RIT2: variants seen among roughly 807,000 people sequenced by gnomAD.
RIT2 encodes the protein GTP-binding protein Rit2.
Under a neutral mutation model 23.7 loss-of-function variants are expected in RIT2, and 24 were observed. The ratio of observed to expected loss-of-function variants is 1.01; its 90% CI spans 0.73 to 1.43. The LOEUF (loss-of-function observed/expected upper bound fraction) is 1.43, where lower values mean the gene tolerates loss of function less well. Among genes scored for constraint, RIT2 ranks in the 40% most tolerant of loss-of-function variants. The pLI is 0.00. For synonymous variants in RIT2, 107 were observed against 91.1 expected (o/e 1.17, Z -0.99); for missense variants, 236 against 266.9 (o/e 0.88, Z 0.81).
intron 1 of RIT2, among the ~76,000 whole-genome samples, chr18:43,076,144 C>T (rs756614878): frequency 3.9e-5 from 6 of 152,134 alleles, no homozygotes; most frequent in Non-Finnish European, 8.8e-5. Context: ...CTTACAGCTT[C>T]ACATTATTCA....
chr18:42,919,099 T>C (rs1244777236), intron 4 of RIT2, among the ~76,000 whole-genome samples: 1 of 152,156 alleles, frequency 6.6e-6, no homozygotes, highest in Non-Finnish European at 1.5e-5. Flanking sequence ...GGATTACTCA[T>C]GCCTTTACTA....
chr18:42,892,807 G>T (rs1419979348), intron 4 of RIT2, among the ~76,000 whole-genome samples: 1 of 152,116 alleles, frequency 6.6e-6, no homozygotes, highest in East Asian at 1.9e-4. Flanking sequence ...CTTTGCCTAG[G>T]ATTGAGTCTA....
chr18:42,988,894 G>A (rs1261019209), intron 2 of RIT2, among the ~76,000 whole-genome samples: 1 of 152,182 alleles, frequency 6.6e-6, no homozygotes, highest in African/African-American at 2.4e-5. Flanking sequence ...AAGGACCACG[G>A]GTTAGGGCAG....
intron 4 of RIT2, among the ~76,000 whole-genome samples, chr18:42,906,007 CATATATATATATATGTATATATATATAT>C (rs1568026809): frequency 2.5e-3 from 8 of 3,174 alleles, no homozygotes; most frequent in Admixed American, 4.4e-3. Flanking sequence ...TATATATATA[CATATATATATATATGTATATATATATAT>C]ACATATATAT....
intron 1 of RIT2, among the ~76,000 whole-genome samples, chr18:43,062,239 G>A (rs959577543): frequency 6.6e-6 from 1 of 152,124 alleles, no homozygotes; most frequent in African/African-American, 2.4e-5. Context: ...GTATTTTGCT[G>A]TGTGAAGTAT....
chr18:42,891,084 G>A (rs566100881), intron 4 of RIT2, among the ~76,000 whole-genome samples: 2 of 152,222 alleles, frequency 1.3e-5, no homozygotes, highest in East Asian at 3.9e-4. Context: ...CTAAAAAAGA[G>A]GAATTTCTGC....
intron 4 of RIT2, among the ~76,000 whole-genome samples, chr18:42,908,114 A>G (rs1026714283): frequency 5.9e-5 from 9 of 151,978 alleles, no homozygotes; most frequent in African/African-American, 2.2e-4. Flanking sequence ...TGTGGAAATG[A>G]AAAACAAAAT....
chr18:43,087,341 A>C (rs4264476), intron 1 of RIT2, among the ~76,000 whole-genome samples: 1 of 152,078 alleles, frequency 6.6e-6, no homozygotes, highest in Non-Finnish European at 1.5e-5. Context: ...CCATAATAAC[A>C]CGTGGATGTG....
intron 4 of RIT2, among the ~76,000 whole-genome samples, chr18:42,876,700 G>GTT (rs944336061): frequency 6.7e-6 from 1 of 149,018 alleles, no homozygotes; most frequent in Non-Finnish European, 1.5e-5. Context: ...TTTAGTACAG[G>GTT]TTTTTTTTTT....
At chr18:43,110,603 G>A (rs1017910696) in intron 1 of RIT2, among the ~76,000 whole-genome samples, 4 of 151,978 alleles carry the variant, frequency 2.6e-5, no homozygotes, top group African/African-American at 4.8e-5. Context: ...GGTGAGTGGC[G>A]GGCAGTGGAA....
At chr18:42,828,582 G>C (rs919795776) in intron 4 of RIT2, among the ~76,000 whole-genome samples, 1 of 152,176 alleles carries the variant, frequency 6.6e-6, no homozygotes, top group Non-Finnish European at 1.5e-5. Context: ...TAATATAAGA[G>C]AATCAGTCAG....
chr18:42,812,739 C>T (rs2143979129), intron 4 of RIT2, among the ~76,000 whole-genome samples: 1 of 152,170 alleles, frequency 6.6e-6, no homozygotes, highest in Non-Finnish European at 1.5e-5. Context: ...TGCAAGTCTC[C>T]CAGGCTATTC....
chr18:42,934,024 A>G (rs77275171), intron 3 of RIT2, among the ~76,000 whole-genome samples: 1 of 59,850 alleles, frequency 1.7e-5, no homozygotes, highest in Non-Finnish European at 3.6e-5. Flanking sequence ...CTCACAGAAG[A>G]AAAAAAAAAA....
At chr18:42,843,282 T>C (rs1419796666) in intron 4 of RIT2, among the ~76,000 whole-genome samples, 1 of 152,188 alleles carries the variant, frequency 6.6e-6, no homozygotes, top group Admixed American at 6.5e-5. Flanking sequence ...GAGTATATAG[T>C]TCAAACCCAT....
chr18:42,804,319 C>G (rs1272447043), intron 4 of RIT2, among the ~76,000 whole-genome samples: 1 of 151,858 alleles, frequency 6.6e-6, no homozygotes, highest in East Asian at 1.9e-4. Context: ...TTTGGGAGGC[C>G]AAGGTGGGTG....
chr18:42,926,788 G>T (rs1055213751), intron 3 of RIT2, among the ~76,000 whole-genome samples: 4 of 151,878 alleles, frequency 2.6e-5, no homozygotes, highest in African/African-American at 9.7e-5. Flanking sequence ...TTAAAATTTG[G>T]ATGATTTTTG....
At chr18:43,027,577 A>ATT (rs748771866) in intron 2 of RIT2, among the ~76,000 whole-genome samples, 6 of 151,940 alleles carry the variant, frequency 3.9e-5, no homozygotes, top group Admixed American at 6.6e-5. Flanking sequence ...AGTCTTTAAA[A>ATT]TTTATCTTCT....
At chr18:43,001,470 G>C (rs1406211177) in intron 2 of RIT2, among the ~76,000 whole-genome samples, 1 of 151,992 alleles carries the variant, frequency 6.6e-6, no homozygotes, top group Admixed American at 6.6e-5. Flanking sequence ...AAGAAAGTGA[G>C]TGCCGACAAA....
At chr18:43,035,107 A>T (rs1568062462) in intron 1 of RIT2, among the ~76,000 whole-genome samples, 1 of 152,198 alleles carries the variant, frequency 6.6e-6, no homozygotes, top group Non-Finnish European at 1.5e-5. Context: ...CAGAGCAGAG[A>T]AGACTTAGTT....
Sources: gnomAD v4.1 joint callset for allele counts (sites outside exome capture counted in the v4.1 genomes callset) on GRCh38, gnomAD v4.1.1 for gene constraint, MANE v1.5 for transcripts, NCBI Gene and HGNC (gene_info 2026-07-23, HGNC 2026-07-21) for gene names.